NGDN: variants seen among roughly 807,000 people sequenced by gnomAD.
The protein encoded by NGDN is neuroguidin.
NGDN carries 41 observed loss-of-function variants against 45.2 expected under a neutral mutation model. That is an observed-to-expected ratio of 0.91 (90% CI 0.71 to 1.18). The LOEUF (loss-of-function observed/expected upper bound fraction) is 1.18, where lower values mean the gene tolerates loss of function less well. NGDN is among the 50% of genes most tolerant of loss of function. NGDN has a pLI of 0.00. For missense variants in NGDN, 402 were observed against 399.9 expected (o/e 1.01, Z -0.05); for synonymous variants, 137 against 130.9 (o/e 1.05, Z -0.32).
In NGDN at chr14:23,476,374, A is replaced by G. The variant is rs758619609; in HGVS notation, c.680A>G (p.His227Arg). 19 of 1,612,404 alleles carry G rather than the reference A, an allele frequency of 1.2e-5. No homozygotes were observed. The highest frequency in any genetic ancestry group is 1.6e-5 in the Non-Finnish European group (19 of 1,179,952). Residue 227 changes from histidine to arginine, a missense_variant, in exon 8 of 11, where the codon CAT (histidine) becomes CGT (arginine). Transcript: ENST00000408901. ...GAAATCCGTGATGCTCGGCATCCCCATGTTACCCGCCAGAGTCAGGAGGAC... is the reference window on the plus strand; with the variant it reads ...GAAATCCGTGATGCTCGGCATCCCCGTGTTACCCGCCAGAGTCAGGAGGAC... ...PEEIRDARHP[H>R]VTRQSQEDQH...
In NGDN at chr14:23,475,792, G is replaced by A. The variant is rs751659638; in HGVS notation, c.420+14G>A. 3 of 1,610,248 alleles carry A rather than the reference G, an allele frequency of 1.9e-6. No individual in the cohort carries two copies. In the African/African-American group the frequency reaches 4.0e-5, roughly 22 times the overall value. The stretch of plus-strand genomic sequence containing the variant: ...ATGATGAGCAAGGTAAGGGGTTGTA[G>A]TATTCTCCTGATTTTTTTCTGAGGC... On this transcript the variant is annotated intron_variant, in intron 6 of 10. Transcript: ENST00000408901.
Position 23,475,624 on chromosome 14 carries a change from G to T in NGDN, c.349G>T (p.Ala117Ser), listed in dbSNP as rs979466399. The T allele has an allele frequency of 2.5e-6, 4 of 1,614,094 alleles. No homozygotes were observed. The highest frequency in any genetic ancestry group is 3.4e-6 in the Non-Finnish European group (4 of 1,180,030). The part of the protein sequence containing the change: ...KYQIDKLIKT[A>S]VTGSLSENDP... ...TCAAATTGACAAGCTGATCAAGACT[G>T]CAGTGACAGGCAGCCTTAGTAAGTG... Residue 117 changes from alanine to serine, a missense_variant, in exon 5 of 11, where the codon GCA becomes TCA. By Grantham distance (99) the Ala-to-Ser change is moderately conservative (BLOSUM62 1). Transcript: ENST00000408901.
intron 10 of NGDN, 77 bp from the exon 11 acceptor site, chr14:23,477,930 T>C: frequency 6.2e-7 from 1 of 1,613,850 alleles, no homozygotes; most frequent in Non-Finnish European, 8.5e-7. Context: ...AGCCCTTCCC[T>C]CTAGATGTCC....
chr14:23,476,354 C>A lies in NGDN; in HGVS notation c.660C>A (p.Ile220=). The A allele has an allele frequency of 6.2e-7, 1 of 1,613,248 alleles. No homozygotes were observed. Among genetic ancestry groups the A allele is most frequent in the Non-Finnish European group, 8.5e-7 (1 of 1,179,998 alleles). The change falls in exon 8 of 11, where the codon ATC becomes ATA. Residue 220 remains isoleucine (I), a synonymous_variant. Transcript: ENST00000408901. ...AGTACTCAGATGCTCCAGAGGAAAT[C>A]CGTGATGCTCGGCATCCCCATGTTA... ...KEQYSDAPEE[I]RDARHPHVTR...
chr14:23,469,999 A>G (rs1893734582), intron 1 of NGDN, 43 bp from the exon 2 acceptor site: 1 of 1,600,604 alleles, frequency 6.2e-7, no homozygotes, highest in Non-Finnish European at 8.6e-7. Context: ...TATAATCCTG[A>G]GGAAAGAATG....
chr14:23,475,983 A>G (rs775160415), intron 6 of NGDN, 46 bp from the exon 7 acceptor site: 4 of 1,612,820 alleles, frequency 2.5e-6, no homozygotes, highest in African/African-American at 1.3e-5. Context: ...CTTCTCACTT[A>G]TCTCATGAAT....
intron 10 of NGDN, 30 bp from the exon 11 acceptor site, chr14:23,477,977 T>G (rs1595108662): frequency 1.2e-6 from 2 of 1,614,204 alleles, no homozygotes; most frequent in East Asian, 2.2e-5. Flanking sequence ...AACTGTCCTT[T>G]GCCTCATTCT....
intron 4 of NGDN, 77 bp downstream of exon 4, chr14:23,475,385 T>A (rs1846515328): frequency 6.9e-7 from 1 of 1,443,866 alleles, no homozygotes; most frequent in Non-Finnish European, 9.5e-7. Flanking sequence ...TAGCTCTCAT[T>A]TAAGTGAGTC....
chr14:23,474,570 T>TG (rs1555340966), intron 3 of NGDN, among the ~76,000 whole-genome samples: 9 of 151,720 alleles, frequency 5.9e-5, no homozygotes, highest in Non-Finnish European at 1.2e-4. Context: ...ATTCATCATA[T>TG]CCCCCCCTAC....
In NGDN at chr14:23,478,064, G is replaced by C. The variant is rs1450831668; in HGVS notation, c.*38G>C. ...ATATTTGTATATTTTTTGTCATCCT[G>C]AGATACTTCTAATTTCATTGTATAT... On this transcript the variant is annotated 3_prime_UTR_variant, in exon 11 of 11. Transcript: ENST00000408901. 2 of 1,590,056 alleles carry C rather than the reference G, an allele frequency of 1.3e-6. No individual in the cohort carries two copies. The highest frequency in any genetic ancestry group is 2.7e-5 in the African/African-American group (2 of 74,432).
intron 3 of NGDN, among the ~76,000 whole-genome samples, chr14:23,472,728 A>T (rs1893810940): frequency 6.6e-6 from 1 of 152,238 alleles, no homozygotes; most frequent in Non-Finnish European, 1.5e-5. Context: ...AATCATTGTA[A>T]TAAGAGTCAC....
intron 2 of NGDN, chr14:23,470,425 A>G (rs1243206821): frequency 3.5e-6 from 1 of 283,100 alleles, no homozygotes; most frequent in African/African-American, 2.2e-5. Flanking sequence ...CGACTTAACG[A>G]TGGAGGTTAT....
intron 3 of NGDN, among the ~76,000 whole-genome samples, chr14:23,473,401 C>G (rs1198253689): frequency 6.6e-6 from 1 of 152,202 alleles, no homozygotes; most frequent in Non-Finnish European, 1.5e-5. Context: ...TGAACAAATA[C>G]ATATTAACTT....
chr14:23,470,379 T>A (rs1326189909), intron 2 of NGDN: 1 of 435,322 alleles, frequency 2.3e-6, no homozygotes, highest in Non-Finnish European at 4.1e-6. Flanking sequence ...GCCCTTTGGG[T>A]GCCCAGGTAA....
intron 2 of NGDN, 40 bp downstream of exon 2, chr14:23,470,141 G>T: frequency 6.3e-7 from 1 of 1,580,814 alleles, no homozygotes; most frequent in South Asian, 1.1e-5. Flanking sequence ...GTCACGGATT[G>T]GCTTTGAGTT....
At chr14:23,471,025 T>G (rs377740070) in intron 3 of NGDN, 48 bp downstream of exon 3, 1 of 1,259,874 alleles carries the variant, frequency 7.9e-7, no homozygotes, top group African/African-American at 1.6e-5. Context: ...ATGTTCTCAG[T>G]AGTTCTTTCA....
At position 23,476,236 on chromosome 14, in the gene NGDN, TA is replaced by T. The variant is rs1359555871; in HGVS notation, c.545-2del. On this transcript the variant is annotated splice_acceptor_variant, in intron 7 of 10. Coordinates refer to ENST00000408901, the MANE Select transcript of NGDN (RefSeq NM_001042635.2). LOFTEE classifies it high-confidence loss of function. ...GATAACCCTGCTTATTTTCATCATG[TA>T]GATGAAACAGAAGCTGAGCGGGAGA... 6 of 1,613,838 alleles carry T rather than the reference TA, an allele frequency of 3.7e-6. No homozygotes were observed. The highest frequency in any genetic ancestry group is 5.1e-6 in the Non-Finnish European group (6 of 1,179,838).
intron 3 of NGDN, among the ~76,000 whole-genome samples, chr14:23,474,579 A>G (rs1000009557): frequency 2.7e-5 from 4 of 146,462 alleles, no homozygotes; most frequent in Non-Finnish European, 6.0e-5. Flanking sequence ...ATCCCCCCCT[A>G]CACACACACA....
intron 2 of NGDN, chr14:23,470,366 C>A: frequency 4.4e-6 from 2 of 454,722 alleles, no homozygotes; most frequent in Non-Finnish European, 4.0e-6. Flanking sequence ...GGTAACATGA[C>A]TTGCCCTTTG....
Sources: allele counts gnomAD v4.1 joint callset (sites outside exome capture counted in the v4.1 genomes callset), GRCh38; gene constraint gnomAD v4.1.1; transcripts MANE v1.5; gene names NCBI Gene and HGNC (gene_info 2026-07-23, HGNC 2026-07-21).